Variants in PTPRD observed in about 807,000 individuals in gnomAD.
PTPRD encodes the protein protein tyrosine phosphatase receptor type D.
Under a neutral mutation model 214.5 loss-of-function variants are expected in PTPRD, and 34 were observed. The ratio of observed to expected loss-of-function variants is 0.16; its 90% CI spans 0.12 to 0.21. PTPRD has a LOEUF of 0.21. Among genes scored for constraint, PTPRD ranks in the 10% least tolerant of loss-of-function variants. The probability of loss-of-function intolerance (pLI) is 1.00; values close to 1 mark genes in which losing one functional copy is unlikely to be tolerated. For synonymous variants in PTPRD, 1,128 were observed against 845.7 expected (o/e 1.33, Z -5.79); for missense variants, 2,545 against 2,398.7 (o/e 1.06, Z -1.27).
At chr9:9,528,109 G>C (rs948901790) in intron 8 of PTPRD, among the ~76,000 whole-genome samples, 3 of 152,192 alleles carry the variant, frequency 2.0e-5, no homozygotes, top group Non-Finnish European at 4.4e-5. Context: ...ACTGTGGAGA[G>C]TGAAGGAAAC....
chr9:8,431,167 G>C (rs2095026254), intron 35 of PTPRD, among the ~76,000 whole-genome samples: 1 of 152,178 alleles, frequency 6.6e-6, no homozygotes. Context: ...CAATTAGATA[G>C]AGTTCAGAGT....
intron 3 of PTPRD, among the ~76,000 whole-genome samples, chr9:10,269,944 T>A (rs140717763): frequency 6.6e-6 from 1 of 152,106 alleles, no homozygotes; most frequent in African/African-American, 2.4e-5. Flanking sequence ...ATGACAGAAA[T>A]TATAAGATTC....
chr9:9,669,780 C>A (rs532980288), intron 7 of PTPRD, among the ~76,000 whole-genome samples: 5 of 151,896 alleles, frequency 3.3e-5, no homozygotes, highest in Non-Finnish European at 5.9e-5. Flanking sequence ...TAAATATAAA[C>A]CTTTATGAGA....
intron 11 of PTPRD, among the ~76,000 whole-genome samples, chr9:8,771,120 G>T (rs768437861): frequency 6.0e-5 from 9 of 149,638 alleles, no homozygotes; most frequent in Non-Finnish European, 1.3e-4. Flanking sequence ...GGCAGAGCTT[G>T]CAGTGAGCCG....
At chr9:8,335,875 A>T (rs10976968) in intron 43 of PTPRD, among the ~76,000 whole-genome samples, 92,243 of 152,008 alleles carry the variant, frequency 0.61, 29,860 homozygotes, top group Non-Finnish European at 0.74. Flanking sequence ...ACTCCCATTC[A>T]CAATTGCTTC....
chr9:9,798,328 A>C (rs1057291823), intron 5 of PTPRD, among the ~76,000 whole-genome samples: 1 of 152,194 alleles, frequency 6.6e-6, no homozygotes, highest in African/African-American at 2.4e-5. Flanking sequence ...ATGAAGACTC[A>C]AAGAAATAGA....
intron 3 of PTPRD, among the ~76,000 whole-genome samples, chr9:10,331,291 AC>A (rs2096745666): frequency 6.6e-6 from 1 of 151,792 alleles, no homozygotes; most frequent in Admixed American, 6.6e-5. Context: ...ATGGCTTTGG[AC>A]CCCTGCAGTA....
In PTPRD at chr9:8,931,394, G is replaced by C. The variant is rs943316300; in HGVS notation, c.-104+87303C>G. Among the ~76,000 whole-genome samples, 3 of 152,028 alleles carry C rather than the reference G, an allele frequency of 2.0e-5. No homozygotes were observed. In the South Asian group the frequency reaches 6.2e-4, roughly 32 times the overall value. ...GTAGTATAGTTTGAAGTCAGGTAGCGGGATGCCTCCAGCTTTGTTCTTTTG... is the reference window on the plus strand; with the variant it reads ...GTAGTATAGTTTGAAGTCAGGTAGCCGGATGCCTCCAGCTTTGTTCTTTTG... On this transcript the variant is annotated intron_variant, in intron 11 of 45. Transcript: ENST00000381196.
At chr9:8,527,292 T>A in intron 16 of PTPRD, 53 bp downstream of exon 16, 1 of 1,561,344 alleles carries the variant, frequency 6.4e-7, no homozygotes, top group Admixed American at 1.7e-5. Context: ...ATAATAATAT[T>A]CTGGATATGG....
intron 3 of PTPRD, among the ~76,000 whole-genome samples, chr9:10,100,321 T>C (rs1282098158): frequency 1.3e-5 from 2 of 151,646 alleles, no homozygotes; most frequent in African/African-American, 4.8e-5. Flanking sequence ...CCTCAATCTA[T>C]AGAGAAAATT....
chr9:9,334,429 A>C (rs1004837957), intron 9 of PTPRD, among the ~76,000 whole-genome samples: 10 of 152,002 alleles, frequency 6.6e-5, no homozygotes, highest in African/African-American at 2.2e-4. Context: ...TTAATCACCT[A>C]GTTGATTTAT....
intron 2 of PTPRD, among the ~76,000 whole-genome samples, chr9:10,546,895 T>TTAGCCA (rs948789394): frequency 6.6e-6 from 1 of 152,050 alleles, no homozygotes; most frequent in Non-Finnish European, 1.5e-5. Flanking sequence ...ATTAAGGATA[T>TTAGCCA]TAGCCATAGT....
At chr9:8,740,457 C>T (rs903358421) in intron 11 of PTPRD, among the ~76,000 whole-genome samples, 4 of 151,974 alleles carry the variant, frequency 2.6e-5, no homozygotes, top group African/African-American at 7.2e-5. Flanking sequence ...GCGAGGGATA[C>T]GGGAAACACA....
At chr9:10,550,840 C>G (rs1019900013) in intron 2 of PTPRD, among the ~76,000 whole-genome samples, 2 of 152,172 alleles carry the variant, frequency 1.3e-5, no homozygotes, top group African/African-American at 2.4e-5. Flanking sequence ...AGCTTTTTCT[C>G]CACCTCTACC....
chr9:9,450,001 G>T (rs1458523552), intron 8 of PTPRD, among the ~76,000 whole-genome samples: 1 of 151,850 alleles, frequency 6.6e-6, no homozygotes, highest in African/African-American at 2.4e-5. Flanking sequence ...TTCCATTCCT[G>T]AGTTACTTTA....
intron 11 of PTPRD, among the ~76,000 whole-genome samples, chr9:9,010,873 G>A (rs954369879): frequency 1.3e-5 from 2 of 152,098 alleles, no homozygotes; most frequent in Non-Finnish European, 2.9e-5. Flanking sequence ...CTAGTGATTG[G>A]CAGACAAATA....
chr9:8,985,198 G>C (rs917938443), intron 11 of PTPRD, among the ~76,000 whole-genome samples: 1 of 151,914 alleles, frequency 6.6e-6, no homozygotes, highest in Non-Finnish European at 1.5e-5. Context: ...GTTTTTAGGA[G>C]AACAACTATC....
At chr9:10,202,500 T>A (rs1172716887) in intron 3 of PTPRD, among the ~76,000 whole-genome samples, 2 of 151,308 alleles carry the variant, frequency 1.3e-5, no homozygotes, top group African/African-American at 2.4e-5. Context: ...AAACTTTGCA[T>A]CTTTTTATTT....
intron 14 of PTPRD, among the ~76,000 whole-genome samples, chr9:8,588,885 G>C (rs2093881057): frequency 6.6e-6 from 1 of 152,022 alleles, no homozygotes; most frequent in Non-Finnish European, 1.5e-5. Context: ...TGTTAAAATA[G>C]AGATTCTTGG....
Sources: gnomAD v4.1 joint callset for allele counts (sites outside exome capture counted in the v4.1 genomes callset) on GRCh38, gnomAD v4.1.1 for gene constraint, MANE v1.5 for transcripts, NCBI Gene and HGNC (gene_info 2026-07-23, HGNC 2026-07-21) for gene names.